Variants in ABCA4 observed in about 807,000 individuals in gnomAD.
The protein encoded by ABCA4 is retinal-specific phospholipid-transporting ATPase ABCA4.
ABCA4 carries 196 observed loss-of-function variants against 263.7 expected under a neutral mutation model. The ratio of observed to expected loss-of-function variants is 0.74; its 90% CI spans 0.66 to 0.84. The LOEUF is 0.84. Ranked by LOEUF, ABCA4 falls within the 40% of genes least tolerant of loss-of-function variation. ABCA4 has a pLI of 0.00. For missense variants in ABCA4, 2,792 were observed against 2,855.1 expected (o/e 0.98, Z 0.50); for synonymous variants, 1,133 against 1,094.2 (o/e 1.04, Z -0.70).
chr1:94,078,674 A>G lies in ABCA4; in HGVS notation c.1272T>C (p.Val424=), dbSNP rs61748551. ...CTTCCCAGGCTTTGACCAACTTCCT[A>G]ACGTGTTCCAGTTCTTCAAAAGTTG... is the stretch of plus-strand genomic sequence containing the variant. ...ANSTFEELEH[V]RKLVKAWEEV... is the part of the protein sequence containing the mutation. The change falls in exon 10 of 50, where the codon GTT becomes GTC. Residue 424 remains valine (V), a synonymous_variant. Coordinates refer to ENST00000370225, the MANE Select transcript of ABCA4 (RefSeq NM_000350.3). 1 of 1,612,410 alleles carries G rather than the reference A, an allele frequency of 6.2e-7. No homozygotes were observed. Among genetic ancestry groups the G allele is most frequent in the African/African-American group, 1.3e-5 (1 of 74,574 alleles).
At position 94,079,106 on chromosome 1, in the gene ABCA4, T is replaced by C. The variant is rs114393289; in HGVS notation, c.1239+216A>G. On this transcript the variant is annotated intron_variant, in intron 9 of 49. Transcript: ENST00000370225. ...AGCAATGGGAAAGAAAACCTCATTG[T>C]AGGCTGCAGTAGAGAGGGGAGGGCC... is the stretch of plus-strand genomic sequence containing the variant. Among the ~76,000 whole-genome samples, 353 of 152,244 alleles carry C rather than the reference T, an allele frequency of 2.3e-3. 2 individuals carry two copies. Among genetic ancestry groups the C allele is most frequent in the Middle Eastern group, 6.8e-3 (2 of 294 alleles).
At chr1:94,097,259 G>C (rs1452329983) in intron 6 of ABCA4, among the ~76,000 whole-genome samples, 1 of 152,124 alleles carries the variant, frequency 6.6e-6, no homozygotes, top group Admixed American at 6.5e-5. Context: ...TGACGAGCTG[G>C]GAAAATCGTA....
chr1:94,014,704 G>A lies in ABCA4; in HGVS notation c.5313-14C>T. The A allele has an allele frequency of 6.2e-7, 1 of 1,614,134 alleles. No individual in the cohort carries two copies. The highest frequency in any genetic ancestry group is 8.5e-7 in the Non-Finnish European group (1 of 1,180,004). ...ATGACCGCCCATCTGTGTGAAATGA[G>A]ACAACTCAGAGTGATGGAGTTCCAC... On this transcript the variant is annotated splice_polypyrimidine_tract_variant and intron_variant, in intron 37 of 49. Coordinates refer to ENST00000370225, the MANE Select transcript of ABCA4 (RefSeq NM_000350.3).
chr1:94,001,706 G>T (rs762849317), intron 45 of ABCA4, 152 bp downstream of exon 45: 64 of 1,140,842 alleles, frequency 5.6e-5, no homozygotes, highest in Non-Finnish European at 8.0e-5. Context: ...CAAACACTGG[G>T]CTGATCGCTC....
At chr1:94,018,357 G>A (rs1659795136) in intron 36 of ABCA4, among the ~76,000 whole-genome samples, 1 of 152,182 alleles carries the variant, frequency 6.6e-6, no homozygotes, top group Non-Finnish European at 1.5e-5. Context: ...GCATCACAGG[G>A]CCAATGTGGT....
intron 15 of ABCA4, 125 bp downstream of exon 15, chr1:94,056,476 G>A: frequency 9.3e-7 from 1 of 1,073,008 alleles, no homozygotes; most frequent in African/African-American, 1.6e-5. Flanking sequence ...AGCCTCACGT[G>A]AACTTTTTAA....
chr1:94,011,910 C>G (rs1557764211), intron 38 of ABCA4, among the ~76,000 whole-genome samples: 1 of 151,882 alleles, frequency 6.6e-6, no homozygotes, highest in African/African-American at 2.4e-5. Flanking sequence ...TTTGTTAACA[C>G]CAGGCCCTGA....
chr1:94,067,576 A>G (rs1245027375), intron 11 of ABCA4, among the ~76,000 whole-genome samples: 3 of 152,238 alleles, frequency 2.0e-5, no homozygotes, highest in African/African-American at 7.2e-5. Context: ...GGTGTAGCAT[A>G]GTGTTTAAGA....
intron 14 of ABCA4, among the ~76,000 whole-genome samples, chr1:94,060,240 G>A (rs1355361490): frequency 2.0e-5 from 3 of 152,200 alleles, no homozygotes; most frequent in East Asian, 1.9e-4. Context: ...ATCACCCTGT[G>A]CAGGGCTCTG....
intron 30 of ABCA4, among the ~76,000 whole-genome samples, chr1:94,026,140 T>C (rs60358341): frequency 2.8e-4 from 43 of 152,340 alleles, no homozygotes; most frequent in African/African-American, 1.0e-3. Context: ...TGCCCAGAAG[T>C]AGTTGAGGGG....
In ABCA4 at chr1:93,993,277, T is replaced by C. The variant is rs200205293; in HGVS notation, c.6817-35A>G. On this transcript the variant is annotated intron_variant, in intron 49 of 49. Transcript: ENST00000370225. ...GAGATCACATGGACTCGCGTCATCT[T>C]GGTTTTCTGAGATGCTGTACTACTT... 73 of 1,613,732 alleles carry C rather than the reference T, an allele frequency of 4.5e-5. No homozygotes were observed. In the African/African-American group the frequency reaches 9.3e-4, roughly 21 times the overall value.
intron 43 of ABCA4, among the ~76,000 whole-genome samples, chr1:94,006,155 C>T (rs1238863087): frequency 6.6e-6 from 1 of 152,170 alleles, no homozygotes; most frequent in Non-Finnish European, 1.5e-5. Flanking sequence ...ATAAACTATA[C>T]ATAGACATTT....
rs756991562 is a variant in ABCA4, at chr1:94,005,624, G to A, written c.6006-42C>T. The A allele has an allele frequency of 2.5e-6, 4 of 1,602,104 alleles. No individual in the cohort carries two copies. The African/African-American group carries it at 4.0e-5, about 16-fold the overall frequency. On this transcript the variant is annotated intron_variant, in intron 43 of 49. Coordinates refer to ENST00000370225, the MANE Select transcript of ABCA4 (RefSeq NM_000350.3). ...AATTACTGAGTATCCTTCAAGGAGTGGAGGGATGACCATAGAGCTAGGGCT... is the reference window on the plus strand; with the variant it reads ...AATTACTGAGTATCCTTCAAGGAGTAGAGGGATGACCATAGAGCTAGGGCT...
At chr1:94,106,738 T>C (rs1288528351) in intron 4 of ABCA4, among the ~76,000 whole-genome samples, 1 of 152,230 alleles carries the variant, frequency 6.6e-6, no homozygotes, top group African/African-American at 2.4e-5. Flanking sequence ...GTCATACGCC[T>C]GTCCTTTCTC....
intron 4 of ABCA4, among the ~76,000 whole-genome samples, chr1:94,107,959 C>T (rs1662488553): frequency 6.6e-6 from 1 of 152,048 alleles, no homozygotes; most frequent in African/African-American, 2.4e-5. Context: ...CTTCCTCGTG[C>T]AGCCTGGACT....
chr1:94,073,869 T>C (rs1054751167), intron 11 of ABCA4, among the ~76,000 whole-genome samples: 6 of 152,202 alleles, frequency 3.9e-5, no homozygotes, highest in African/African-American at 1.4e-4. Context: ...CTGAACTCCA[T>C]GCTGCACAAA....
intron 11 of ABCA4, among the ~76,000 whole-genome samples, chr1:94,067,018 T>C (rs1661284888): frequency 6.6e-6 from 1 of 152,234 alleles, no homozygotes; most frequent in African/African-American, 2.4e-5. Flanking sequence ...GTACATTCTT[T>C]GAGGCTGGGG....
intron 30 of ABCA4, among the ~76,000 whole-genome samples, chr1:94,028,656 T>C (rs1446919974): frequency 6.6e-6 from 1 of 152,140 alleles, no homozygotes; most frequent in Non-Finnish European, 1.5e-5. Context: ...CTTGTAATCC[T>C]AGCACTCTGG....
At chr1:94,028,930 A>AAACAAC (rs35998587) in intron 30 of ABCA4, among the ~76,000 whole-genome samples, 1 of 108,032 alleles carries the variant, frequency 9.3e-6, no homozygotes, top group Non-Finnish European at 1.8e-5. Flanking sequence ...AAAAAAAAAA[A>AAACAAC]GAAATTCAAA....
Sources: gnomAD v4.1 joint callset for allele counts (sites outside exome capture counted in the v4.1 genomes callset) on GRCh38, gnomAD v4.1.1 for gene constraint, MANE v1.5 for transcripts, NCBI Gene and HGNC (gene_info 2026-07-23, HGNC 2026-07-21) for gene names.